Variants in GALNTL6 observed in about 807,000 individuals in gnomAD.
GALNTL6 encodes the protein polypeptide N-acetylgalactosaminyltransferase-like 6.
In GALNTL6, 46 loss-of-function variants were observed where a neutral mutation model predicts 73.7. The observed-to-expected ratio is 0.62, with a 90% confidence interval of 0.49 to 0.80. GALNTL6 has a LOEUF of 0.80. Ranked by LOEUF, GALNTL6 falls within the 30% of genes least tolerant of loss-of-function variation. The probability of loss-of-function intolerance (pLI) is 0.00; values close to 1 mark genes in which losing one functional copy is unlikely to be tolerated. For missense variants in GALNTL6, 604 were observed against 755.0 expected (o/e 0.80, Z 2.34); for synonymous variants, 259 against 263.7 (o/e 0.98, Z 0.17).
At chr4:171,962,765 C>CTTTTTTTTTTTTTTTTTTTTTTTT (rs139917729) in intron 2 of GALNTL6, among the ~76,000 whole-genome samples, 1 of 113,820 alleles carries the variant, frequency 8.8e-6, no homozygotes, top group Non-Finnish European at 1.6e-5. Context: ...CTTGCTTTTA[C>CTTTTTTTTTTTTTTTTTTTTTTTT]TTTTTTTTTT....
At position 171,818,593 on chromosome 4, in the gene GALNTL6, C is replaced by T. The variant is rs189197143; in HGVS notation, c.138+3875C>T. On this transcript the variant is annotated intron_variant, in intron 2 of 12. Coordinates refer to ENST00000506823, the MANE Select transcript of GALNTL6 (RefSeq NM_001034845.3). ...ACCACATTAAAAAAAAAAAAAAAGC[C>T]TAGGTCCTCTATGTCTCTTTGAAAT... is the stretch of plus-strand genomic sequence containing the variant. Among the ~76,000 whole-genome samples, 332 of 147,900 alleles carry T rather than the reference C, an allele frequency of 2.2e-3. 3 individuals carry two copies. Among genetic ancestry groups the T allele is most frequent in the Non-Finnish European group, 1.9e-3 (130 of 67,314 alleles).
At chr4:172,462,483 G>A (rs2111445696) in intron 5 of GALNTL6, among the ~76,000 whole-genome samples, 1 of 152,276 alleles carries the variant, frequency 6.6e-6, no homozygotes. Flanking sequence ...TCTCTGATGT[G>A]TTTTCCAATC....
chr4:172,622,930 CA>C (rs1173894229), intron 5 of GALNTL6, among the ~76,000 whole-genome samples: 3 of 151,822 alleles, frequency 2.0e-5, no homozygotes, highest in African/African-American at 7.3e-5. Context: ...AAGTCCATAC[CA>C]AAAAAATTTG....
intron 2 of GALNTL6, among the ~76,000 whole-genome samples, chr4:171,929,521 A>G (rs1437660740): frequency 6.6e-6 from 1 of 152,010 alleles, no homozygotes; most frequent in East Asian, 1.9e-4. Context: ...CAAATACACA[A>G]CTGTATTTTA....
intron 2 of GALNTL6, among the ~76,000 whole-genome samples, chr4:172,189,338 A>G (rs1735503960): frequency 6.6e-6 from 1 of 152,220 alleles, no homozygotes; most frequent in South Asian, 2.1e-4. Context: ...TTAATATTAC[A>G]TAGACCCCAT....
intron 5 of GALNTL6, among the ~76,000 whole-genome samples, chr4:172,488,846 G>A (rs145041671): frequency 7.5e-6 from 1 of 132,910 alleles, no homozygotes; most frequent in Non-Finnish European, 1.6e-5. Context: ...GGGTGGGGGT[G>A]GGGGGTGGGT....
intron 10 of GALNTL6, among the ~76,000 whole-genome samples, chr4:173,007,375 G>A (rs1353001646): frequency 6.6e-6 from 1 of 152,090 alleles, no homozygotes; most frequent in Non-Finnish European, 1.5e-5. Context: ...GACTATATAA[G>A]GGCTTAAAAA....
At chr4:171,926,572 T>C (rs913379835) in intron 2 of GALNTL6, among the ~76,000 whole-genome samples, 1 of 152,168 alleles carries the variant, frequency 6.6e-6, no homozygotes, top group African/African-American at 2.4e-5. Flanking sequence ...CTGGCTTCCA[T>C]GAATATAAAT....
At chr4:172,527,476 T>C (rs1420631979) in intron 5 of GALNTL6, among the ~76,000 whole-genome samples, 1 of 152,220 alleles carries the variant, frequency 6.6e-6, no homozygotes, top group Non-Finnish European at 1.5e-5. Context: ...CTGTAGATGC[T>C]TACTTAGCAA....
At chr4:172,886,250 TTCA>T (rs1745711917) in intron 8 of GALNTL6, among the ~76,000 whole-genome samples, 1 of 152,222 alleles carries the variant, frequency 6.6e-6, no homozygotes, top group Admixed American at 6.5e-5. Context: ...TTTCTTTTTC[TTCA>T]TGGTTCAATC....
At chr4:171,923,564 A>ATTTTTTTT (rs33929033) in intron 2 of GALNTL6, among the ~76,000 whole-genome samples, 1 of 137,846 alleles carries the variant, frequency 7.3e-6, no homozygotes, top group Admixed American at 7.3e-5. Flanking sequence ...CTCCCGGCTA[A>ATTTTTTTT]TTTTTTTTTT....
At chr4:172,515,045 C>G (rs1443183150) in intron 5 of GALNTL6, among the ~76,000 whole-genome samples, 2 of 152,148 alleles carry the variant, frequency 1.3e-5, no homozygotes, top group Admixed American at 6.5e-5. Context: ...TTTCTTGGAG[C>G]AAAAGTTCAC....
Position 172,764,371 on chromosome 4 carries a change from A to T in GALNTL6, c.554-44990A>T, listed in dbSNP as rs191600809. Among the ~76,000 whole-genome samples the T allele has an allele frequency of 1.4e-4, 21 of 152,328 alleles. No individual in the cohort carries two copies. In the East Asian group the frequency reaches 3.7e-3, roughly 27 times the overall value. On this transcript the variant is annotated intron_variant, in intron 5 of 12. Transcript: ENST00000506823. Reference sequence around the variant, plus strand: ...AAATATACATCAAAACTGGAGATCCATTTGTTTGTTTTTGCCTTTGTCTAA... The same window carrying T: ...AAATATACATCAAAACTGGAGATCCTTTTGTTTGTTTTTGCCTTTGTCTAA...
chr4:171,911,859 C>G (rs1310478690), intron 2 of GALNTL6, among the ~76,000 whole-genome samples: 1 of 152,034 alleles, frequency 6.6e-6, no homozygotes, highest in African/African-American at 2.4e-5. Flanking sequence ...GGATATTTTG[C>G]TGTTTTCCTA....
intron 7 of GALNTL6, among the ~76,000 whole-genome samples, chr4:172,831,387 T>C (rs1932905278): frequency 1.3e-5 from 2 of 152,100 alleles, no homozygotes; most frequent in Admixed American, 6.5e-5. Flanking sequence ...CCGAGTGTAC[T>C]GCAGATGCTC....
intron 8 of GALNTL6, among the ~76,000 whole-genome samples, chr4:172,887,889 A>G (rs1470802541): frequency 6.6e-6 from 1 of 152,036 alleles, no homozygotes; most frequent in Non-Finnish European, 1.5e-5. Context: ...TAATAATAGC[A>G]ATTCTGACCG....
chr4:173,040,018 C>T lies in GALNTL6; in HGVS notation c.1724C>T (p.Pro575Leu). Residue 575 changes from proline (P) to leucine (L), a missense_variant, in exon 13 of 13, where the codon CCT (proline) becomes CTT (leucine). Transcript: ENST00000506823. ...EKKIFMARCDPLSETQQWIFE... is the reference protein window; with the variant it reads ...EKKIFMARCDLLSETQQWIFE... ...AAGATTTTCATGGCCAGATGTGACC[C>T]TCTCTCTGAGACTCAGCAGTGGATT... The T allele has an allele frequency of 6.2e-7, 1 of 1,613,252 alleles. No homozygotes were observed. The highest frequency in any genetic ancestry group is 8.5e-7 in the Non-Finnish European group (1 of 1,179,186).
intron 5 of GALNTL6, among the ~76,000 whole-genome samples, chr4:172,615,584 G>T (rs1738694975): frequency 6.6e-6 from 1 of 152,058 alleles, no homozygotes; most frequent in Non-Finnish European, 1.5e-5. Context: ...AAAGCAATGA[G>T]CTTCATTCTG....
At chr4:172,988,954 T>A (rs147674078) in intron 10 of GALNTL6, among the ~76,000 whole-genome samples, 1 of 152,220 alleles carries the variant, frequency 6.6e-6, no homozygotes, top group Non-Finnish European at 1.5e-5. Context: ...TGCAGGGGCC[T>A]GCAGGGGCAA....
Sources: allele counts gnomAD v4.1 joint callset (sites outside exome capture counted in the v4.1 genomes callset), GRCh38; gene constraint gnomAD v4.1.1; transcripts MANE v1.5; gene names NCBI Gene and HGNC (gene_info 2026-07-23, HGNC 2026-07-21).